The following CCNF variants were observed in gnomAD, a reference collection of about 807,000 sequenced individuals.
The protein encoded by CCNF is cyclin-F.
In CCNF, 30 loss-of-function variants were observed where a neutral mutation model predicts 85.4. The observed-to-expected ratio is 0.35, with a 90% CI of 0.26 to 0.48. The LOEUF is 0.48. Among genes scored for constraint, CCNF ranks in the 20% least tolerant of loss-of-function variants. The pLI is 0.99. For synonymous variants in CCNF, 439 were observed against 425.1 expected, an observed-to-expected ratio of 1.03 and a Z score of -0.40; for missense variants, 919 against 1,010.4, an observed-to-expected ratio of 0.91 and a Z score of 1.23.
At chr16:2,440,699 C>T (rs966293195) in intron 8 of CCNF, among the ~76,000 whole-genome samples, 3 of 152,176 alleles carry the variant, frequency 2.0e-5, no homozygotes, top group South Asian at 2.1e-4. Flanking sequence ...GAGTGATCTG[C>T]GCTCAAATGC....
chr16:2,440,996 G>T (rs1378743366), intron 8 of CCNF, among the ~76,000 whole-genome samples: 1 of 152,176 alleles, frequency 6.6e-6, no homozygotes, highest in Non-Finnish European at 1.5e-5. Flanking sequence ...CACTTTGGGA[G>T]GCTGAGGCGG....
At chr16:2,445,745 C>T (rs1433793685) in intron 10 of CCNF, 123 bp downstream of exon 10, 45 of 771,268 alleles carry the variant, frequency 5.8e-5, no homozygotes, top group African/African-American at 1.9e-4. Flanking sequence ...TTTTTTTTCC[C>T]GAGACCAAGT....
intron 1 of CCNF, among the ~76,000 whole-genome samples, chr16:2,430,345 T>G (rs1383444816): frequency 6.6e-6 from 1 of 151,982 alleles, no homozygotes; most frequent in Non-Finnish European, 1.5e-5. Context: ...GTCATCTGCT[T>G]AGAGTGAGGA....
intron 1 of CCNF, among the ~76,000 whole-genome samples, chr16:2,430,144 A>T (rs936586721): frequency 6.6e-6 from 1 of 152,090 alleles, no homozygotes; most frequent in Non-Finnish European, 1.5e-5. Flanking sequence ...CCCGGTCAAG[A>T]GAGGGGAGCC....
intron 4 of CCNF, 62 bp downstream of exon 4, chr16:2,435,935 A>G (rs1399901799): frequency 1.6e-6 from 2 of 1,227,314 alleles, no homozygotes; most frequent in African/African-American, 1.5e-5. Flanking sequence ...TGGCCCTATG[A>G]AGAAGTGGTC....
At chr16:2,455,629 T>C (rs1014319527) in intron 16 of CCNF, 65 bp downstream of exon 16, 1 of 1,518,686 alleles carries the variant, frequency 6.6e-7, no homozygotes, top group Non-Finnish European at 8.9e-7. Context: ...ACCGAGGGCC[T>C]CTGGGCACCC....
At chr16:2,440,022 G>A (rs1324813743) in intron 8 of CCNF, among the ~76,000 whole-genome samples, 196 bp downstream of exon 8, 1 of 152,190 alleles carries the variant, frequency 6.6e-6, no homozygotes, top group East Asian at 1.9e-4. Context: ...AGAAGAGCTG[G>A]GAAATGCGTT....
intron 16 of CCNF, 72 bp downstream of exon 16, chr16:2,455,636 A>G (rs996436781): frequency 1.1e-5 from 17 of 1,500,306 alleles, no homozygotes; most frequent in Non-Finnish European, 1.3e-5. Flanking sequence ...GCCTCTGGGC[A>G]CCCGGCCCTG....
Position 2,449,408 on chromosome 16 carries a change from C to G in CCNF, c.1345C>G (p.Pro449Ala). ...LLHTSLSAYA[P>A]ARLAAAALLL... ...GCACACCAGCCTGTCCGCCTACGCC[C>G]CAGCCCGCCTGGCTGCCGCAGCCCT... is the stretch of plus-strand genomic sequence containing the variant. Residue 449 changes from proline to alanine, a missense_variant, in exon 12 of 17, where the codon CCA becomes GCA. This residue lies in a region of CCNF where 505 missense variants were observed against 514.8 expected (regional missense o/e 0.98). Coordinates refer to ENST00000397066, the MANE Select transcript of CCNF (RefSeq NM_001761.3). 5 of 1,611,412 alleles carry G rather than the reference C, an allele frequency of 3.1e-6. No individual in the cohort carries two copies. The highest frequency in any genetic ancestry group is 4.2e-6 in the Non-Finnish European group (5 of 1,179,968).
intron 10 of CCNF, among the ~76,000 whole-genome samples, chr16:2,448,211 C>G (rs1416958656): frequency 6.6e-6 from 1 of 152,210 alleles, no homozygotes; most frequent in East Asian, 1.9e-4. Flanking sequence ...GGGTCTATAA[C>G]ATTTCTACCC....
chr16:2,456,108 C>T lies in CCNF; in HGVS notation c.1886-437C>T, dbSNP rs1052259234. The stretch of plus-strand genomic sequence containing the variant: ...CACAGGAGGTGGGAGCTGCAGTGAG[C>T]CGTGATCATGCCACTGCACTGTAGC... On this transcript the variant is annotated intron_variant, in intron 16 of 16. Coordinates refer to ENST00000397066, the MANE Select transcript of CCNF (RefSeq NM_001761.3). This position sits in a 1 kb window ranked among gnomAD's most constrained non-coding sequence, Gnocchi z 4.5. 5.9e-6 allele frequency: 1 copy of T among 168,944 alleles called. No homozygotes were observed. The highest frequency in any genetic ancestry group is 1.3e-5 in the Non-Finnish European group (1 of 78,940). The allele number at this position is 168,944 out of a possible 1,614,324, so 10.5% of individuals were successfully genotyped here. A position where few individuals can be genotyped will look rare whatever the true frequency, so the allele number is the denominator to read the frequency against.
Position 2,453,593 on chromosome 16 carries a change from CCA to C in CCNF, c.1715+57_1715+58del. 6.2e-7 allele frequency: 1 copy of C among 1,606,108 alleles called. No individual in the cohort carries two copies. The highest frequency in any genetic ancestry group is 8.5e-7 in the Non-Finnish European group (1 of 1,175,476). The stretch of plus-strand genomic sequence containing the variant: ...ACAATGCTGGCATCCTCGTGCCGGC[CCA>C]GTTCCCTCAGCGCTTCCTCACACAG... On this transcript the variant is annotated intron_variant, in intron 15 of 16. Coordinates refer to ENST00000397066, the MANE Select transcript of CCNF (RefSeq NM_001761.3). This position sits in a 1 kb window ranked among gnomAD's most constrained non-coding sequence, Gnocchi z 5.6.
intron 2 of CCNF, among the ~76,000 whole-genome samples, chr16:2,432,260 T>A (rs753451182): frequency 5.3e-5 from 8 of 152,216 alleles, no homozygotes; most frequent in Non-Finnish European, 1.0e-4. Context: ...TAGGAGTTAT[T>A]TTCTAGATAT....
chr16:2,450,444 G>A (rs1350199773), intron 13 of CCNF, among the ~76,000 whole-genome samples: 1 of 150,040 alleles, frequency 6.7e-6, no homozygotes. Context: ...CCGGGAGGCA[G>A]AGGTTGCGGT....
At chr16:2,443,921 A>AT in intron 9 of CCNF, 121 bp downstream of exon 9, 1 of 700,876 alleles carries the variant, frequency 1.4e-6, no homozygotes, top group Non-Finnish European at 2.0e-6. Context: ...TTCCCTTATC[A>AT]CCCTTTTTTT....
chr16:2,444,702 TC>T (rs2065352054), intron 9 of CCNF, among the ~76,000 whole-genome samples: 1 of 151,748 alleles, frequency 6.6e-6, no homozygotes, highest in South Asian at 2.1e-4. Context: ...GCTCAAGAGA[TC>T]CTCCCACCTT....
chr16:2,446,371 G>T (rs139261240), intron 10 of CCNF, among the ~76,000 whole-genome samples: 2 of 152,128 alleles, frequency 1.3e-5, no homozygotes, highest in African/African-American at 2.4e-5. Context: ...AGAGTTTTTC[G>T]TCCCCCACTG....
rs891208066 is a variant in CCNF, at chr16:2,454,416, G to A, written c.1715+879G>A. On this transcript the variant is annotated intron_variant, in intron 15 of 16. Coordinates refer to ENST00000397066, the MANE Select transcript of CCNF (RefSeq NM_001761.3). ...GAGGAAAGTCCATGCAGATACGCAC[G>A]GCTACTCCAGGAGGGGGCCTGGCCC... is the stretch of plus-strand genomic sequence containing the variant. Among the ~76,000 whole-genome samples, 4 of 152,184 alleles carry A rather than the reference G, an allele frequency of 2.6e-5. 1 individual carries two copies. The highest frequency in any genetic ancestry group is 4.1e-4 in the South Asian group (2 of 4,830).
chr16:2,448,744 A>G, intron 10 of CCNF, 111 bp from the exon 11 acceptor site: 2 of 951,068 alleles, frequency 2.1e-6, no homozygotes, highest in Middle Eastern at 2.7e-4. Context: ...ACCAAAGCCC[A>G]ACGCCATGGC....
Sources: allele counts gnomAD v4.1 joint callset (sites outside exome capture counted in the v4.1 genomes callset), GRCh38; gene constraint gnomAD v4.1.1; regional missense constraint gnomAD v4.1.1; non-coding constraint Gnocchi (gnomAD v3.1); transcripts MANE v1.5; gene names NCBI Gene and HGNC (gene_info 2026-07-23, HGNC 2026-07-21).